The following RNF38 variants were observed in gnomAD, a reference collection of about 807,000 sequenced individuals.
The protein encoded by RNF38 is ring finger protein 38, also known as E3 ubiquitin-protein ligase RNF38.
In RNF38, 15 loss-of-function variants were observed where a neutral mutation model predicts 67.2. That is an observed-to-expected ratio of 0.22 (90% CI 0.15 to 0.34). The LOEUF (loss-of-function observed/expected upper bound fraction) is 0.34, where lower values mean the gene tolerates loss of function less well. Among genes scored for constraint, RNF38 ranks in the 10% least tolerant of loss-of-function variants. RNF38 has a pLI of 1.00. For synonymous variants in RNF38, 220 were observed against 218.8 expected (o/e 1.01, Z -0.05); for missense variants, 524 against 639.9 (o/e 0.82, Z 1.95).
chr9:36,478,274 G>A (rs953434611), intron 1 of RNF38, among the ~76,000 whole-genome samples: 4 of 151,364 alleles, frequency 2.6e-5, no homozygotes, highest in Admixed American at 1.3e-4. Context: ...CGTGGTAGCG[G>A]GCATCTGTAG....
intron 1 of RNF38, among the ~76,000 whole-genome samples, chr9:36,440,067 G>A (rs1839160138): frequency 6.6e-6 from 1 of 152,084 alleles, no homozygotes; most frequent in South Asian, 2.1e-4. Flanking sequence ...CCAACATGGT[G>A]AAACCCTGTC....
intron 1 of RNF38, among the ~76,000 whole-genome samples, chr9:36,469,578 T>C (rs945767904): frequency 2.0e-5 from 3 of 152,080 alleles, no homozygotes; most frequent in African/African-American, 7.2e-5. Context: ...GGAGAATTGC[T>C]TGAACCCGGG....
At chr9:36,453,471 C>T (rs1290681174) in intron 1 of RNF38, among the ~76,000 whole-genome samples, 2 of 151,850 alleles carry the variant, frequency 1.3e-5, no homozygotes, top group Admixed American at 6.6e-5. Flanking sequence ...CAACCTCCAC[C>T]TCCTGGGTTC....
chr9:36,468,962 A>C (rs1002068276), intron 1 of RNF38, among the ~76,000 whole-genome samples: 2 of 151,884 alleles, frequency 1.3e-5, no homozygotes, highest in Non-Finnish European at 2.9e-5. Context: ...AAATACAAAA[A>C]TTAGCTGGGC....
chr9:36,352,324 ACAAACCTACC>A (rs1833756842), intron 8 of RNF38, among the ~76,000 whole-genome samples: 1 of 151,976 alleles, frequency 6.6e-6, no homozygotes, highest in Admixed American at 6.5e-5. Context: ...AAAAAAAACA[ACAAACCTACC>A]CATGGGAATT....
upstream of RNF38, among the ~76,000 whole-genome samples, chr9:36,404,738 C>T (rs1424514561): frequency 4.6e-5 from 7 of 152,072 alleles, no homozygotes; most frequent in African/African-American, 1.7e-4. Flanking sequence ...TGTTTATATC[C>T]TTGTCTACTT....
intron 1 of RNF38, among the ~76,000 whole-genome samples, chr9:36,432,598 T>A (rs1349881169): frequency 6.6e-6 from 1 of 151,218 alleles, no homozygotes; most frequent in Admixed American, 6.6e-5. Context: ...ATTGAGACCA[T>A]CCTGGCCAAC....
At chr9:36,342,127 T>C (rs1384439975) in intron 11 of RNF38, among the ~76,000 whole-genome samples, 198 bp downstream of exon 11, 1 of 152,108 alleles carries the variant, frequency 6.6e-6, no homozygotes, top group East Asian at 1.9e-4. Flanking sequence ...TCATCCATTT[T>C]GGATTTTGTA....
upstream of RNF38, chr9:36,401,114 G>C (rs910555117): frequency 3.0e-6 from 3 of 984,770 alleles, no homozygotes; most frequent in African/African-American, 5.3e-5. Context: ...AGCCCAGCGC[G>C]CCAGACCACC....
chr9:36,471,483 C>T (rs1027811974), intron 1 of RNF38, among the ~76,000 whole-genome samples: 1 of 152,138 alleles, frequency 6.6e-6, no homozygotes, highest in African/African-American at 2.4e-5. Context: ...GACTCCCACC[C>T]CAACCTTTTT....
intron 4 of RNF38, among the ~76,000 whole-genome samples, chr9:36,366,914 C>T (rs1835011130): frequency 6.6e-6 from 1 of 152,060 alleles, no homozygotes; most frequent in African/African-American, 2.4e-5. Context: ...GAGAAATTGC[C>T]CCTGCTTTCT....
At chr9:36,442,515 CTCACGCCTGTAA>C (rs1294020384) in intron 1 of RNF38, among the ~76,000 whole-genome samples, 1 of 152,236 alleles carries the variant, frequency 6.6e-6, no homozygotes, top group Non-Finnish European at 1.5e-5. Flanking sequence ...GGCGCAGTGG[CTCACGCCTGTAA>C]TCCCAGCACT....
chr9:36,466,397 T>C (rs577241239), intron 1 of RNF38, among the ~76,000 whole-genome samples: 36 of 152,336 alleles, frequency 2.4e-4, no homozygotes, highest in Non-Finnish European at 4.4e-4. Flanking sequence ...GTAAATTGTA[T>C]ATGTAAATTT....
intron 1 of RNF38, among the ~76,000 whole-genome samples, chr9:36,433,511 G>C (rs760767642): frequency 6.6e-6 from 1 of 151,644 alleles, no homozygotes; most frequent in Non-Finnish European, 1.5e-5. Flanking sequence ...AAGCCAAGAC[G>C]GGCAGATCAC....
chr9:36,415,818 C>A (rs1434924452), intron 2 of RNF38, among the ~76,000 whole-genome samples: 1 of 152,110 alleles, frequency 6.6e-6, no homozygotes, highest in African/African-American at 2.4e-5. Flanking sequence ...GTAACATGGA[C>A]AGACTCAGAA....
At chr9:36,449,005 AAAAGAAAG>A (rs530863234) in intron 1 of RNF38, among the ~76,000 whole-genome samples, 7 of 151,964 alleles carry the variant, frequency 4.6e-5, no homozygotes, top group African/African-American at 1.4e-4. Context: ...AAAAAATTAA[AAAAGAAAG>A]AAAGAAAGAA....
chr9:36,396,356 T>C (rs976887545), intron 1 of RNF38, among the ~76,000 whole-genome samples: 9 of 152,138 alleles, frequency 5.9e-5, no homozygotes, highest in Non-Finnish European at 1.3e-4. Flanking sequence ...CACCCCATCC[T>C]ACTGAGGCAG....
intron 1 of RNF38, among the ~76,000 whole-genome samples, chr9:36,396,143 G>A (rs1331808912): frequency 6.6e-6 from 1 of 152,190 alleles, no homozygotes; most frequent in Non-Finnish European, 1.5e-5. Context: ...ATGGCACATA[G>A]CAGGCATTCA....
chr9:36,357,508 G>A (rs1834218133), intron 5 of RNF38, among the ~76,000 whole-genome samples: 3 of 152,054 alleles, frequency 2.0e-5, no homozygotes. Flanking sequence ...CCAAATATAT[G>A]TATAAGTTAA....
Sources: allele counts gnomAD v4.1 joint callset (sites outside exome capture counted in the v4.1 genomes callset), GRCh38; gene constraint gnomAD v4.1.1; transcripts MANE v1.5; gene names NCBI Gene and HGNC (gene_info 2026-07-23, HGNC 2026-07-21).